The following SMAD2 variants were observed in gnomAD, a reference collection of about 807,000 sequenced individuals.
The protein encoded by SMAD2 is MAD homolog 2.
A neutral mutation model predicts 64.4 loss-of-function variants in SMAD2; 8 were observed. The ratio of observed to expected loss-of-function variants is 0.12; its 90% CI spans 0.07 to 0.22. The LOEUF (loss-of-function observed/expected upper bound fraction) is 0.22, where lower values mean the gene tolerates loss of function less well. Ranked by LOEUF, SMAD2 falls within the 10% of genes least tolerant of loss-of-function variation. The probability of loss-of-function intolerance (pLI) is 1.00; values close to 1 mark genes in which losing one functional copy is unlikely to be tolerated. For missense variants in SMAD2, 289 were observed against 561.2 expected, an observed-to-expected ratio of 0.51 and a Z score of 4.90; for synonymous variants, 203 against 195.8, an observed-to-expected ratio of 1.04 and a Z score of -0.31.
chr18:47,886,772 C>CA (rs2144438334), intron 2 of SMAD2: 1 of 159,198 alleles, frequency 6.3e-6, no homozygotes, highest in South Asian at 2.1e-4. Context: ...CATCATAACC[C>CA]AAAGTCAGAG....
chr18:47,919,837 G>A (rs957619857), intron 1 of SMAD2, among the ~76,000 whole-genome samples: 20 of 151,948 alleles, frequency 1.3e-4, no homozygotes, highest in Admixed American at 8.5e-4. Flanking sequence ...AGATTACAAC[G>A]CAAAAGAAAA....
intron 2 of SMAD2, among the ~76,000 whole-genome samples, chr18:47,894,946 G>T (rs1278358616): frequency 6.6e-6 from 1 of 152,142 alleles, no homozygotes; most frequent in Non-Finnish European, 1.5e-5. Context: ...TGCCAAATCT[G>T]TTTACTTCGT....
chr18:47,862,988 CAAAAAAA>C (rs931536862), intron 6 of SMAD2, among the ~76,000 whole-genome samples: 5 of 142,334 alleles, frequency 3.5e-5, no homozygotes, highest in Admixed American at 1.4e-4. Context: ...AAATCTAAAT[CAAAAAAA>C]AAAAGAAAAA....
rs141717868 is a variant in SMAD2 at position 47,842,526 on chromosome 18, G to A, written c.1281-576C>T. Reference sequence around the variant, plus strand: ...CTGCACTCTAGCCTGGCGACAGAGTGAGACTCTGTCTCGGGGTGGGGGGCA... The same window carrying A: ...CTGCACTCTAGCCTGGCGACAGAGTAAGACTCTGTCTCGGGGTGGGGGGCA... On this transcript the variant is annotated intron_variant, in intron 10 of 10. Coordinates refer to ENST00000262160, the MANE Select transcript of SMAD2 (RefSeq NM_005901.6). Among the ~76,000 whole-genome samples, 391 of 152,198 alleles carry A rather than the reference G, an allele frequency of 2.6e-3. 3 individuals are homozygous for A. Among genetic ancestry groups the A allele is most frequent in the African/African-American group, 8.9e-3 (371 of 41,524 alleles).
chr18:47,889,341 C>G (rs954514316), intron 2 of SMAD2, among the ~76,000 whole-genome samples: 1 of 151,884 alleles, frequency 6.6e-6, no homozygotes, highest in East Asian at 1.9e-4. Flanking sequence ...TACTACAAGA[C>G]AGGAAGGGGA....
At position 47,821,288 on chromosome 18, in the gene SMAD2, T is replaced by C. The variant is rs1912564272; in HGVS notation, c.*20539A>G. The C allele has an allele frequency of 6.6e-6, 1 of 152,198 alleles. No homozygotes were observed. The highest frequency in any genetic ancestry group is 2.4e-5 in the African/African-American group (1 of 41,460). The allele number at this position is 152,198 out of a possible 1,614,324, so 9.4% of individuals were successfully genotyped here. On this transcript the variant is annotated 3_prime_UTR_variant, in exon 11 of 11. Coordinates refer to ENST00000262160, the MANE Select transcript of SMAD2 (RefSeq NM_005901.6). ...TCTCCCCTTAAGAAGGTACATCTTT[T>C]TGTTTGGCAGGGGTGATAACTCTTA...
At chr18:47,849,790 T>C (rs1296299182) in intron 7 of SMAD2, among the ~76,000 whole-genome samples, 1 of 151,898 alleles carries the variant, frequency 6.6e-6, no homozygotes, top group Non-Finnish European at 1.5e-5. Context: ...GGTGATTCGT[T>C]TGAGGCCAGG....
intron 2 of SMAD2, among the ~76,000 whole-genome samples, chr18:47,876,010 T>C (rs760208543): frequency 6.6e-6 from 1 of 152,094 alleles, no homozygotes; most frequent in Non-Finnish European, 1.5e-5. Context: ...GAAATGTCTG[T>C]ACATTACTCA....
rs569524535 is a variant in SMAD2 at position 47,912,906 on chromosome 18, A to G, written c.-53-16097T>C. 7.5e-5 allele frequency among the ~76,000 whole-genome samples: 11 copies of G among 147,380 alleles called. No homozygotes were observed. The South Asian group carries it at 2.4e-3, about 33-fold the overall frequency. On this transcript the variant is annotated intron_variant, in intron 1 of 10. Coordinates refer to ENST00000262160, the MANE Select transcript of SMAD2 (RefSeq NM_005901.6). ...GGGATTTCCAGCATTAGGAGGAATG[A>G]GAGTAAACAGTTTCTGTAACACTTT... is the stretch of plus-strand genomic sequence containing the variant.
At position 47,868,306 on chromosome 18, in the gene SMAD2, T is replaced by G; in HGVS notation, c.655+17A>C. ...TGTATCTATCCAAGTTTTAGGAGAT[T>G]CAGAAGGCAAAAATACCTGGAATAT... On this transcript the variant is annotated intron_variant, in intron 5 of 10. Coordinates refer to ENST00000262160, the MANE Select transcript of SMAD2 (RefSeq NM_005901.6). 1.2e-6 allele frequency: 2 copies of G among 1,610,120 alleles called. No homozygotes were observed. Among genetic ancestry groups the G allele is most frequent in the African/African-American group, 2.7e-5 (2 of 74,954 alleles).
At chr18:47,891,465 A>G (rs1374361574) in intron 2 of SMAD2, among the ~76,000 whole-genome samples, 2 of 152,104 alleles carry the variant, frequency 1.3e-5, no homozygotes, top group South Asian at 4.1e-4. Flanking sequence ...TCCACCGTAT[A>G]ATCATGGTTG....
chr18:47,894,575 A>T (rs1231521991), intron 2 of SMAD2, among the ~76,000 whole-genome samples: 6 of 152,230 alleles, frequency 3.9e-5, no homozygotes, highest in Non-Finnish European at 5.9e-5. Context: ...ACATGTGATG[A>T]AACAGGCTTC....
At position 47,837,219 on chromosome 18, in the gene SMAD2, T is replaced by C; in HGVS notation, c.*4608A>G. 1 of 198,274 alleles carries C rather than the reference T, an allele frequency of 5.0e-6. No homozygotes were observed. The highest frequency in any genetic ancestry group is 1.0e-5 in the Non-Finnish European group (1 of 95,750). 12.3% of individuals were successfully genotyped at this position (198,274 alleles called of 1,614,324 possible). A position where few individuals can be genotyped will look rare whatever the true frequency, so the allele number is the denominator to read the frequency against. On this transcript the variant is annotated 3_prime_UTR_variant, in exon 11 of 11. Coordinates refer to ENST00000262160, the MANE Select transcript of SMAD2 (RefSeq NM_005901.6). ...ACTCTAGGTATGAAAAGCATGTTCC[T>C]TTTTTGTTAATAAGTTCAAAGGAGA...
chr18:47,898,489 T>A, intron 1 of SMAD2, among the ~76,000 whole-genome samples: 1 of 152,202 alleles, frequency 6.6e-6, no homozygotes, highest in Non-Finnish European at 1.5e-5. Flanking sequence ...TTGCACATAT[T>A]CTTAACGTTA....
chr18:47,849,788 G>C (rs1367633981), intron 7 of SMAD2, among the ~76,000 whole-genome samples: 1 of 151,854 alleles, frequency 6.6e-6, no homozygotes, highest in Admixed American at 6.6e-5. Context: ...TGGGTGATTC[G>C]TTTGAGGCCA....
chr18:47,912,919 T>C (rs1371622191), intron 1 of SMAD2, among the ~76,000 whole-genome samples: 3 of 150,646 alleles, frequency 2.0e-5, no homozygotes, highest in Non-Finnish European at 3.0e-5. Context: ...GTAAACAGTT[T>C]CTGTAACACT....
rs1913805683 is a variant in SMAD2 at position 47,840,175 on chromosome 18, C to T, written c.*1652G>A. The T allele has an allele frequency of 4.3e-6, 1 of 232,812 alleles. No individual in the cohort carries two copies. The highest frequency in any genetic ancestry group is 2.2e-5 in the African/African-American group (1 of 45,270). 14.4% of individuals were successfully genotyped at this position (232,812 alleles called of 1,614,324 possible). On this transcript the variant is annotated 3_prime_UTR_variant, in exon 11 of 11. Transcript: ENST00000262160. ...AAATGGGGAGTACCCAATAGAAAAC[C>T]ACCAAATGTTGAAAGTATTGAAAAT... is the stretch of plus-strand genomic sequence containing the variant.
At position 47,838,948 on chromosome 18, in the gene SMAD2, A is replaced by C. The variant is rs1913684161; in HGVS notation, c.*2879T>G. 1 of 233,332 alleles carries C rather than the reference A, an allele frequency of 4.3e-6. No individual in the cohort carries two copies. The highest frequency in any genetic ancestry group is 8.5e-6 in the Non-Finnish European group (1 of 118,020). The allele number at this position is 233,332 out of a possible 1,614,324, so 14.5% of individuals were successfully genotyped here. A position where few individuals can be genotyped will look rare whatever the true frequency, so the allele number is the denominator to read the frequency against. On this transcript the variant is annotated 3_prime_UTR_variant, in exon 11 of 11. Transcript: ENST00000262160. The stretch of plus-strand genomic sequence containing the variant: ...TAATGTTGCTAATTTAAATAAAGAC[A>C]AAAATTCAACAAAGAGGGGATTCTA...
rs955041086 is a variant in SMAD2 at position 47,821,520 on chromosome 18, T to C, written c.*20307A>G. 1 of 152,218 alleles carries C rather than the reference T, an allele frequency of 6.6e-6. No homozygotes were observed. Among genetic ancestry groups the C allele is most frequent in the Non-Finnish European group, 1.5e-5 (1 of 68,036 alleles). 9.4% of individuals were successfully genotyped at this position (152,218 alleles called of 1,614,324 possible). A position where few individuals can be genotyped will look rare whatever the true frequency, so the allele number is the denominator to read the frequency against. Reference sequence around the variant, plus strand: ...ATTTTTCCAAGAGCCATGTATTCTGTTCAACATACTAGCTTTCTTATTTAC... The same window carrying C: ...ATTTTTCCAAGAGCCATGTATTCTGCTCAACATACTAGCTTTCTTATTTAC... On this transcript the variant is annotated 3_prime_UTR_variant, in exon 11 of 11. Transcript: ENST00000262160.
Sources: gnomAD v4.1 joint callset for allele counts (sites outside exome capture counted in the v4.1 genomes callset) on GRCh38, gnomAD v4.1.1 for gene constraint, MANE v1.5 for transcripts, NCBI Gene and HGNC (gene_info 2026-07-23, HGNC 2026-07-21) for gene names.